The following SCEL variants were observed in gnomAD, a reference collection of about 807,000 sequenced individuals.
SCEL encodes the protein sciellin.
SCEL carries 113 observed loss-of-function variants against 117.6 expected under a neutral mutation model. That is an observed-to-expected ratio of 0.96 (90% CI 0.83 to 1.12). The LOEUF (loss-of-function observed/expected upper bound fraction) is 1.12, where lower values mean the gene tolerates loss of function less well. SCEL is among the 50% of genes most tolerant of loss of function. The pLI is 0.00. For synonymous variants in SCEL, 270 were observed against 256.2 expected (o/e 1.05, Z -0.51); for missense variants, 785 against 810.8 (o/e 0.97, Z 0.39).
chr13:77,591,784 G>T (rs1369674751), intron 11 of SCEL, among the ~76,000 whole-genome samples: 1 of 152,174 alleles, frequency 6.6e-6, no homozygotes, highest in Non-Finnish European at 1.5e-5. Flanking sequence ...TGGTGTGGAT[G>T]TATAAAGAGG....
chr13:77,558,325 G>A (rs1396343982), intron 3 of SCEL, among the ~76,000 whole-genome samples: 1 of 152,126 alleles, frequency 6.6e-6, no homozygotes, highest in Non-Finnish European at 1.5e-5. Context: ...TCTGGGCTGT[G>A]TGTTATAATT....
chr13:77,604,516 A>C, intron 19 of SCEL, 101 bp downstream of exon 19: 1 of 869,418 alleles, frequency 1.2e-6, no homozygotes, highest in Admixed American at 2.9e-5. Flanking sequence ...AATTCAGGCC[A>C]AAACAAACTG....
At chr13:77,545,102 C>A (rs2083918755) in intron 1 of SCEL, among the ~76,000 whole-genome samples, 4 of 152,236 alleles carry the variant, frequency 2.6e-5, no homozygotes, top group Admixed American at 2.6e-4. Context: ...AGCGTTCACA[C>A]ATCTTTTGTC....
intron 24 of SCEL, among the ~76,000 whole-genome samples, chr13:77,616,002 CTCTGTGTGTGTGTGTGTGTGTGTG>C (rs2088998399): frequency 7.1e-6 from 1 of 141,828 alleles, no homozygotes. Flanking sequence ...ATTTATGTCT[CTCTGTGTGTGTGTGTGTGTGTGTG>C]TGTGTGTGTG....
chr13:77,637,797 T>C (rs967066058), intron 30 of SCEL, among the ~76,000 whole-genome samples: 2 of 152,204 alleles, frequency 1.3e-5, no homozygotes, highest in African/African-American at 4.8e-5. Context: ...TGACCCACTC[T>C]GGGCCCAAGC....
chr13:77,559,174 CTA>C (rs2084833542), intron 3 of SCEL, among the ~76,000 whole-genome samples: 1 of 152,188 alleles, frequency 6.6e-6, no homozygotes. Context: ...ACAAAATCCC[CTA>C]TCAGTTTTCT....
chr13:77,624,491 T>C (rs952772841), intron 27 of SCEL, among the ~76,000 whole-genome samples: 1 of 152,178 alleles, frequency 6.6e-6, no homozygotes, highest in Admixed American at 6.5e-5. Flanking sequence ...ACACTGTTTG[T>C]AACTTGATTA....
chr13:77,561,556 T>A (rs555097166), intron 4 of SCEL, among the ~76,000 whole-genome samples: 31 of 152,340 alleles, frequency 2.0e-4, no homozygotes, highest in African/African-American at 7.5e-4. Context: ...CTGCAGAGGA[T>A]GTCTTTACCT....
chr13:77,584,811 T>G (rs371216737), intron 9 of SCEL, among the ~76,000 whole-genome samples: 1 of 152,150 alleles, frequency 6.6e-6, no homozygotes, highest in East Asian at 1.9e-4. Context: ...ACAGATACAC[T>G]AAAGACTGTA....
intron 12 of SCEL, among the ~76,000 whole-genome samples, chr13:77,594,261 G>A (rs1176237022): frequency 6.6e-6 from 1 of 152,134 alleles, no homozygotes; most frequent in Admixed American, 6.5e-5. Context: ...CCATTCAATG[G>A]CATATAACCT....
intron 9 of SCEL, among the ~76,000 whole-genome samples, chr13:77,579,753 G>C (rs1258322921): frequency 6.6e-6 from 1 of 152,160 alleles, no homozygotes; most frequent in Non-Finnish European, 1.5e-5. Flanking sequence ...AGTAGAGTAG[G>C]CTCAAAGGAG....
chr13:77,535,966 G>T (rs1381939867), intron 1 of SCEL, 142 bp downstream of exon 1: 1 of 152,082 alleles, frequency 6.6e-6, no homozygotes, highest in East Asian at 1.9e-4. Context: ...GCCTCCAGCT[G>T]GCTGTTAGCT....
chr13:77,593,673 G>T (rs2087051542), intron 12 of SCEL, 100 bp downstream of exon 12: 1 of 781,550 alleles, frequency 1.3e-6, no homozygotes, highest in East Asian at 2.6e-5. Flanking sequence ...CAAAATCCTA[G>T]TGCTGTATAT....
intron 27 of SCEL, among the ~76,000 whole-genome samples, chr13:77,624,941 A>G (rs1173620553): frequency 6.6e-6 from 1 of 152,236 alleles, no homozygotes; most frequent in Non-Finnish European, 1.5e-5. Context: ...ACAAATATTT[A>G]TGGAGCAGCT....
chr13:77,581,460 A>T (rs2086257160), intron 9 of SCEL, among the ~76,000 whole-genome samples: 1 of 152,182 alleles, frequency 6.6e-6, no homozygotes, highest in Non-Finnish European at 1.5e-5. Flanking sequence ...ACATTTGAAC[A>T]ACAAATGCAA....
At chr13:77,622,400 G>C (rs890699674) in intron 27 of SCEL, among the ~76,000 whole-genome samples, 3 of 152,146 alleles carry the variant, frequency 2.0e-5, no homozygotes, top group African/African-American at 7.2e-5. Flanking sequence ...TGGGTCCCCA[G>C]AATCTCTATT....
At chr13:77,598,518 G>A (rs1295823620) in intron 13 of SCEL, among the ~76,000 whole-genome samples, 1 of 152,176 alleles carries the variant, frequency 6.6e-6, no homozygotes, top group Non-Finnish European at 1.5e-5. Flanking sequence ...GTGTGAGTGG[G>A]TGAGGAGACT....
intron 11 of SCEL, among the ~76,000 whole-genome samples, 190 bp from the exon 12 acceptor site, chr13:77,593,324 G>A (rs1023162189): frequency 4.6e-5 from 7 of 151,320 alleles, no homozygotes; most frequent in Non-Finnish European, 1.0e-4. Context: ...GTGTGTCAGT[G>A]GGGGATGTGT....
In SCEL at chr13:77,572,193, A is replaced by C. The variant is rs2085676471; in HGVS notation, c.545+4A>C. 1 of 1,608,258 alleles carries C rather than the reference A, an allele frequency of 6.2e-7. No individual in the cohort carries two copies. Among genetic ancestry groups the C allele is most frequent in the African/African-American group, 1.3e-5 (1 of 74,876 alleles). On this transcript the variant is annotated splice_donor_region_variant and intron_variant, in intron 9 of 32. Coordinates refer to ENST00000349847, the MANE Select transcript of SCEL (RefSeq NM_144777.3). Reference sequence around the variant, plus strand: ...CGAGCACAGGAACCAGGAGACGGTAAGGGAAAGGTGTCAGGCGTAATTGCT... The same window carrying C: ...CGAGCACAGGAACCAGGAGACGGTACGGGAAAGGTGTCAGGCGTAATTGCT...
Sources: allele counts gnomAD v4.1 joint callset (sites outside exome capture counted in the v4.1 genomes callset), GRCh38; gene constraint gnomAD v4.1.1; transcripts MANE v1.5; gene names NCBI Gene and HGNC (gene_info 2026-07-23, HGNC 2026-07-21).